Variants in LSM7 observed in about 807,000 individuals in gnomAD.
LSM7 encodes the protein U6 snRNA-associated Sm-like protein LSm7.
In LSM7, 13 loss-of-function variants were observed where a neutral mutation model predicts 14.1. The observed-to-expected ratio is 0.92, with a 90% CI of 0.60 to 1.47. LSM7 has a LOEUF of 1.47. Among genes scored for constraint, LSM7 ranks in the 40% most tolerant of loss-of-function variants. The probability of loss-of-function intolerance (pLI) is 0.00; values close to 1 mark genes in which losing one functional copy is unlikely to be tolerated. For synonymous variants in LSM7, 70 were observed against 57.1 expected (o/e 1.23, Z -1.02); for missense variants, 108 against 140.8 (o/e 0.77, Z 1.18).
In LSM7 at chr19:2,324,147, G is replaced by A. The variant is rs776059367; in HGVS notation, c.147C>T (p.Asp49=). Residue 49 remains aspartate (D), a synonymous_variant, in exon 3 of 4, where the codon GAC becomes GAT. Transcript: ENST00000252622. ...GFDPLLNLVL[D]GTIEYMRDPD... is the part of the protein sequence containing the mutation. ...CACCTCGCATGTACTCAATGGTGCC[G>A]TCCAGCACAAGGTTGAGGAGTGGGT... The A allele has an allele frequency of 2.0e-5, 31 of 1,563,402 alleles. No homozygotes were observed. The highest frequency in any genetic ancestry group is 5.6e-5 in the Admixed American group (3 of 53,918).
At chr19:2,323,838 G>A (rs1283874857) in intron 3 of LSM7, among the ~76,000 whole-genome samples, 2 of 152,230 alleles carry the variant, frequency 1.3e-5, no homozygotes, top group African/African-American at 2.4e-5. Flanking sequence ...CCGTCAGTGT[G>A]TAGAGACCAG....
rs1411350815 is a variant in LSM7 at position 2,321,828 on chromosome 19, G to T, written c.170-6C>A. 24 of 1,461,728 alleles carry T rather than the reference G, an allele frequency of 1.6e-5. No homozygotes were observed. The highest frequency in any genetic ancestry group is 2.5e-5 in the Admixed American group (1 of 39,864). The allele number at this position is 1,461,728 out of a possible 1,614,324, so 90.5% of individuals were successfully genotyped here. ...CTTGTACTGGTCGTCAGGGTCTGGG[G>T]AGGAGCAGATAGAGAGGACTGAGGG... On this transcript the variant is annotated splice_region_variant and splice_polypyrimidine_tract_variant and intron_variant, in intron 3 of 3. Transcript: ENST00000252622. This position sits in a 1 kb window ranked among gnomAD's most constrained non-coding sequence, Gnocchi z 5.0.
intron 2 of LSM7, among the ~76,000 whole-genome samples, chr19:2,326,333 T>TGTGC (rs1459903517): frequency 9.8e-6 from 1 of 101,638 alleles, no homozygotes; most frequent in Non-Finnish European, 2.1e-5. Context: ...TGTGTGTGTG[T>TGTGC]GTGTGTGTGT....
intron 2 of LSM7, chr19:2,326,211 G>C (rs1968011969): frequency 6.6e-6 from 1 of 152,306 alleles, no homozygotes; most frequent in Admixed American, 6.5e-5. Flanking sequence ...GCTGTAATTA[G>C]AGCCCCTGAA....
At chr19:2,323,594 G>A (rs891383905) in intron 3 of LSM7, among the ~76,000 whole-genome samples, 6 of 152,174 alleles carry the variant, frequency 3.9e-5, no homozygotes, top group Non-Finnish European at 1.5e-5. Context: ...GGGATTACAG[G>A]CATGCGCCAC....
chr19:2,328,358 G>C, intron 2 of LSM7, 29 bp downstream of exon 2: 1 of 1,597,876 alleles, frequency 6.3e-7, no homozygotes, highest in Non-Finnish European at 8.6e-7. Context: ...TTTTTAAAGA[G>C]GGGGTACCGA....
At position 2,324,065 on chromosome 19, in the gene LSM7, C is replaced by G. The variant is rs987420432; in HGVS notation, c.169+60G>C. 394 of 528,188 alleles carry G rather than the reference C, an allele frequency of 7.5e-4. 1 individual carries two copies. Among genetic ancestry groups the G allele is most frequent in the Middle Eastern group, 2.3e-3 (5 of 2,200 alleles). The allele number at this position is 528,188 out of a possible 1,614,324, so 32.7% of individuals were successfully genotyped here. ...TCCCACTGCCCCCCTCGTCCCGCTG[C>G]CCCCCTCACCCCACTATCCCCCTCG... On this transcript the variant is annotated intron_variant, in intron 3 of 3. Coordinates refer to ENST00000252622, the MANE Select transcript of LSM7 (RefSeq NM_016199.3).
Position 2,321,806 on chromosome 19 carries a change from G to A in LSM7, c.186C>T (p.Tyr62=). ...IEYMRDPDDQ[Y]KLTEDTRQLG... is the part of the protein sequence containing the mutation. ...GCTGCCGGGTGTCCTCCGTGAGCTT[G>A]TACTGGTCGTCAGGGTCTGGGGAGG... Residue 62 remains tyrosine, a synonymous_variant, in exon 4 of 4, where the codon TAC becomes TAT. Transcript: ENST00000252622. The surrounding 1 kb of genome is among the most constrained non-coding windows in gnomAD (Gnocchi z 5.0). The A allele has an allele frequency of 6.6e-7, 1 of 1,513,784 alleles. No individual in the cohort carries two copies. The highest frequency in any genetic ancestry group is 8.9e-7 in the Non-Finnish European group (1 of 1,126,778). 93.8% of individuals were successfully genotyped at this position (1,513,784 alleles called of 1,614,324 possible).
Position 2,328,469 on chromosome 19 carries a change from C to T in LSM7, c.15G>A (p.Glu5=). ...CCAAGATGCTCTCCTTTTTCTTCTT[C>T]TCCTTATCCTGCGGGGAAAGCAGAG... The part of the protein sequence containing the change: MADK[E]KKKKESILDL... The change falls in exon 2 of 4, where the codon GAG becomes GAA. Residue 5 remains glutamate, a synonymous_variant. Coordinates refer to ENST00000252622, the MANE Select transcript of LSM7 (RefSeq NM_016199.3). The T allele has an allele frequency of 6.2e-7, 1 of 1,613,822 alleles. No individual in the cohort carries two copies. The highest frequency in any genetic ancestry group is 8.5e-7 in the Non-Finnish European group (1 of 1,179,828).
chr19:2,326,778 T>C (rs1968029649), intron 2 of LSM7, among the ~76,000 whole-genome samples: 1 of 152,346 alleles, frequency 6.6e-6, no homozygotes, highest in East Asian at 1.9e-4. Context: ...CCCCAAACCC[T>C]TTCTGAAAGA....
At chr19:2,323,440 A>G (rs900287265) in intron 3 of LSM7, among the ~76,000 whole-genome samples, 1 of 152,138 alleles carries the variant, frequency 6.6e-6, no homozygotes, top group Non-Finnish European at 1.5e-5. Flanking sequence ...CGGGCAACAC[A>G]GTGAGACCTC....
chr19:2,328,318 C>T (rs1441910951), intron 2 of LSM7, 69 bp downstream of exon 2: 2 of 1,316,960 alleles, frequency 1.5e-6, no homozygotes, highest in South Asian at 1.2e-5. Context: ...CATGCGTCCT[C>T]ATCATCTCTG....
At chr19:2,327,232 G>T (rs1195840268) in intron 2 of LSM7, among the ~76,000 whole-genome samples, 1 of 152,248 alleles carries the variant, frequency 6.6e-6, no homozygotes, top group Non-Finnish European at 1.5e-5. Flanking sequence ...TCAGCATGGT[G>T]TAGACTGAGA....
rs373574624 is a variant in LSM7, at chr19:2,328,578, G to A, written c.-12C>T. 5.7e-6 allele frequency: 9 copies of A among 1,576,866 alleles called. No homozygotes were observed. The South Asian group carries it at 9.1e-5, about 16-fold the overall frequency. On this transcript the variant is annotated 5_prime_UTR_variant, in exon 1 of 4. It adds an upstream start codon to the 5' untranslated region. Transcript: ENST00000252622. ...GCGCTCACCGCCATCTTGTCGCGCC[G>A]TGTGGCTCTTCGCAGGCACCGCCCC...
At chr19:2,325,908 C>T (rs1438368704) in intron 2 of LSM7, 3 of 152,392 alleles carry the variant, frequency 2.0e-5, no homozygotes, top group Admixed American at 1.3e-4. Flanking sequence ...TCCACCTCCA[C>T]AGGCTTCAGC....
chr19:2,323,431 G>A (rs1784498763), intron 3 of LSM7, among the ~76,000 whole-genome samples: 1 of 152,152 alleles, frequency 6.6e-6, no homozygotes, highest in Non-Finnish European at 1.5e-5. Flanking sequence ...AGACCAGCCC[G>A]GGCAACACAG....
At chr19:2,323,717 G>T (rs563883024) in intron 3 of LSM7, among the ~76,000 whole-genome samples, 1 of 152,278 alleles carries the variant, frequency 6.6e-6, no homozygotes, top group African/African-American at 2.4e-5. Flanking sequence ...CTCCCAAAGC[G>T]CTGGGATTAT....
rs546247821 is a variant in LSM7 at position 2,324,512 on chromosome 19, C to T, written c.98-316G>A. ...AATGAGTCCATGTGTGGCTGAACTG[C>T]GGCCGGTCAGCTCTACTCACAGGCA... On this transcript the variant is annotated intron_variant, in intron 2 of 3. Coordinates refer to ENST00000252622, the MANE Select transcript of LSM7 (RefSeq NM_016199.3). 1.8e-4 allele frequency: 72 copies of T among 407,190 alleles called. 1 individual carries two copies. In the South Asian group the frequency reaches 2.3e-3, roughly 13 times the overall value. The allele number at this position is 407,190 out of a possible 1,614,324, so 25.2% of individuals were successfully genotyped here.
In LSM7 at chr19:2,321,758, GC is replaced by G; in HGVS notation, c.233del (p.Gly78AlafsTer6). 1.9e-6 allele frequency: 3 copies of G among 1,561,566 alleles called. No homozygotes were observed. The highest frequency in any genetic ancestry group is 2.6e-6 in the Non-Finnish European group (3 of 1,154,124). ...TRQLGLVVCRGTSVVLICPQD... is the reference protein window; with the variant it reads ...TRQLGLVVCRXTSVVLICPQD... The stretch of plus-strand genomic sequence containing the variant: ...GCGGGCAGATTAGCACCACGGACGT[GC>G]CCCGGCACACCACGAGGCCCAGCTG... On this transcript the variant is annotated frameshift_variant, in exon 4 of 4. Coordinates refer to ENST00000252622, the MANE Select transcript of LSM7 (RefSeq NM_016199.3). LOFTEE classifies it high-confidence loss of function. The surrounding 1 kb of genome is among the most constrained non-coding windows in gnomAD (Gnocchi z 5.0).
Sources: allele counts gnomAD v4.1 joint callset (sites outside exome capture counted in the v4.1 genomes callset), GRCh38; gene constraint gnomAD v4.1.1; non-coding constraint Gnocchi (gnomAD v3.1); transcripts MANE v1.5; gene names NCBI Gene and HGNC (gene_info 2026-07-23, HGNC 2026-07-21).